BLOC1S3: variants seen among roughly 807,000 people sequenced by gnomAD.
The protein encoded by BLOC1S3 is biogenesis of lysosome-related organelles complex 1 subunit 3.
Under a neutral mutation model 9.1 loss-of-function variants are expected in BLOC1S3, and 7 were observed. The observed-to-expected ratio is 0.77, with a 90% CI of 0.44 to 1.45. The LOEUF (loss-of-function observed/expected upper bound fraction) is 1.45. BLOC1S3 is among the 40% of genes most tolerant of loss of function. BLOC1S3 has a pLI of 0.01. For missense variants in BLOC1S3, 307 were observed against 315.2 expected, an observed-to-expected ratio of 0.97 and a Z score of 0.20; for synonymous variants, 145 against 158.4, an observed-to-expected ratio of 0.92 and a Z score of 0.64.
At chr19:45,209,945 T>A (rs1339129317) in intron 3 of BLOC1S3, among the ~76,000 whole-genome samples, 3 of 151,856 alleles carry the variant, frequency 2.0e-5, no homozygotes, top group Admixed American at 2.0e-4. Flanking sequence ...TTAGCCAGGA[T>A]GGTCTCCATC....
At position 45,181,570 on chromosome 19, in the gene BLOC1S3, G is replaced by A. The variant is rs1045564383; in HGVS notation, c.*1665G>A. The A allele has an allele frequency of 2.4e-5, 4 of 167,110 alleles. No individual in the cohort carries two copies. The highest frequency in any genetic ancestry group is 4.4e-5 in the Non-Finnish European group (3 of 68,132). 10.4% of individuals were successfully genotyped at this position (167,110 alleles called of 1,614,324 possible). A position where few individuals can be genotyped will look rare whatever the true frequency, so the allele number is the denominator to read the frequency against. ...GCTCCTGGATGCTATAAAAGGACTT[G>A]GATTTCTGACTTGGCTCAGGGACTG... is the stretch of plus-strand genomic sequence containing the variant. On this transcript the variant is annotated 3_prime_UTR_variant, in exon 2 of 2. Transcript: ENST00000433642.
chr19:45,202,077 A>T (rs1183249011), intron 2 of BLOC1S3, among the ~76,000 whole-genome samples: 4 of 151,600 alleles, frequency 2.6e-5, no homozygotes, highest in Non-Finnish European at 5.9e-5. Context: ...ACAAAAAATT[A>T]GCTGGGCGCC....
At chr19:45,212,824 T>G (rs1336344636) in intron 3 of BLOC1S3, 2 of 441,232 alleles carry the variant, frequency 4.5e-6, no homozygotes, top group East Asian at 7.7e-5. Context: ...GGTCTTGAAC[T>G]CCTGGGCTCA....
At chr19:45,184,903 C>CAA (rs71338752), downstream of BLOC1S3, among the ~76,000 whole-genome samples, 910 of 48,264 alleles carry the variant, frequency 0.019, 99 homozygotes, top group African/African-American at 0.061. Flanking sequence ...CTGTCTCAAA[C>CAA]AAAAAAAAAA....
chr19:45,196,887 C>T (rs1311212845), intron 2 of BLOC1S3, among the ~76,000 whole-genome samples: 67 of 128,978 alleles, frequency 5.2e-4, no homozygotes, highest in African/African-American at 1.8e-3. Context: ...GGCAACAGAG[C>T]AAGACTGTCT....
At chr19:45,213,005 C>T (rs1352593053) in intron 3 of BLOC1S3, 9 of 1,412,492 alleles carry the variant, frequency 6.4e-6, no homozygotes, top group South Asian at 4.8e-5. Flanking sequence ...GGAGGGGCGC[C>T]GTACGGGAGG....
chr19:45,203,147 G>T (rs185023097), intron 3 of BLOC1S3, among the ~76,000 whole-genome samples: 287 of 152,202 alleles, frequency 1.9e-3, no homozygotes, highest in African/African-American at 6.6e-3. Flanking sequence ...TCCCTTGGCT[G>T]CCTCAGCCAA....
rs1969523022 is a variant in BLOC1S3, at chr19:45,181,640, C to T, written c.*1735C>T. 6.0e-6 allele frequency: 1 copy of T among 167,042 alleles called. No individual in the cohort carries two copies. Among genetic ancestry groups the T allele is most frequent in the African/African-American group, 2.4e-5 (1 of 41,412 alleles). The allele number at this position is 167,042 out of a possible 1,614,324, so 10.3% of individuals were successfully genotyped here. On this transcript the variant is annotated 3_prime_UTR_variant, in exon 2 of 2. Transcript: ENST00000433642. The stretch of plus-strand genomic sequence containing the variant: ...GCTCCTTTTCACCTGTGTTTTCTTC[C>T]GATCCCAGCTCTGGTCCCTCAGCCG...
rs150154809 is a variant in BLOC1S3 at position 45,198,441 on chromosome 19, G to A, written n.181-3965G>A. Among the ~76,000 whole-genome samples, 374 of 152,054 alleles carry A rather than the reference G, an allele frequency of 2.5e-3. 5 individuals are homozygous for A. Among genetic ancestry groups the A allele is most frequent in the Non-Finnish European group, 4.3e-3 (290 of 67,992 alleles). On this transcript the variant is annotated intron_variant and non_coding_transcript_variant, in intron 2 of 3. Transcript: ENST00000591569. ...CAAGTAGCTGGGATTACAGGCACCC[G>A]CCACCACGCTCAGCTAACTTTTTTG...
At position 45,179,711 on chromosome 19, in the gene BLOC1S3, G is replaced by T. The variant is rs749030472; in HGVS notation, c.415G>T (p.Val139Leu). ...TGTCTACCGCCGTGCAGGCCGCGAC[G>T]TGGCCGCCCTGGCTAGTAGGCTGGC... ...SGVYRRAGRD[V>L]AALASRLAAA... Residue 139 changes from valine (V) to leucine (L), a missense_variant, in exon 2 of 2, where the codon GTG becomes TTG. Transcript: ENST00000433642. The surrounding 1 kb of genome is among the most constrained non-coding windows in gnomAD (Gnocchi z 4.6). 1.5e-4 allele frequency: 222 copies of T among 1,458,098 alleles called. 1 individual carries two copies. In the African/African-American group the frequency reaches 3.0e-3, roughly 19 times the overall value. The allele number at this position is 1,458,098 out of a possible 1,614,324, so 90.3% of individuals were successfully genotyped here.
chr19:45,216,891 T>A (rs1471320200), exon 4 of BLOC1S3: 1 of 151,272 alleles, frequency 6.6e-6, no homozygotes, highest in Non-Finnish European at 1.5e-5. Context: ...AGCGACTGAA[T>A]GAGGCCCTTC....
At chr19:45,188,364 T>C (rs1054356473) in intron 2 of BLOC1S3, among the ~76,000 whole-genome samples, 1 of 151,778 alleles carries the variant, frequency 6.6e-6, no homozygotes, top group Non-Finnish European at 1.5e-5. Context: ...TTAATAGAGA[T>C]AGTCTCTGCC....
intron 3 of BLOC1S3, among the ~76,000 whole-genome samples, chr19:45,209,875 G>T (rs1430891624): frequency 6.6e-6 from 1 of 151,594 alleles, no homozygotes; most frequent in Non-Finnish European, 1.5e-5. Flanking sequence ...GTGATTATAG[G>T]CATGCGCCAC....
At chr19:45,209,290 C>A (rs186012726) in intron 3 of BLOC1S3, among the ~76,000 whole-genome samples, 50 of 152,200 alleles carry the variant, frequency 3.3e-4, no homozygotes, top group Admixed American at 7.2e-4. Flanking sequence ...CTCAAGTGAT[C>A]CGCCCACCTT....
chr19:45,203,676 C>G (rs1233364972), intron 3 of BLOC1S3, among the ~76,000 whole-genome samples: 1 of 152,160 alleles, frequency 6.6e-6, no homozygotes, highest in African/African-American at 2.4e-5. Flanking sequence ...GTCTAATGAT[C>G]ATTTAAATGC....
Position 45,180,050 on chromosome 19 carries a change from G to A in BLOC1S3, c.*145G>A. 1 of 884,606 alleles carries A rather than the reference G, an allele frequency of 1.1e-6. No individual in the cohort carries two copies. The highest frequency in any genetic ancestry group is 1.8e-5 in the South Asian group (1 of 56,166). 54.8% of individuals were successfully genotyped at this position (884,606 alleles called of 1,614,324 possible). A position where few individuals can be genotyped will look rare whatever the true frequency, so the allele number is the denominator to read the frequency against. On this transcript the variant is annotated 3_prime_UTR_variant, in exon 2 of 2. Coordinates refer to ENST00000433642, the MANE Select transcript of BLOC1S3 (RefSeq NM_212550.5). ...CCATGGGGGCTAATCCGGTCCCCTTGGATAATGCTTTATATTGGATATAGT... is the reference window on the plus strand; with the variant it reads ...CCATGGGGGCTAATCCGGTCCCCTTAGATAATGCTTTATATTGGATATAGT...
At chr19:45,192,411 C>G (rs1300902901) in intron 2 of BLOC1S3, among the ~76,000 whole-genome samples, 1 of 152,068 alleles carries the variant, frequency 6.6e-6, no homozygotes, top group African/African-American at 2.4e-5. Context: ...TGGTGCTCTA[C>G]TCCACTGTGG....
intron 2 of BLOC1S3, among the ~76,000 whole-genome samples, chr19:45,194,689 T>C (rs1969634113): frequency 6.6e-6 from 1 of 152,144 alleles, no homozygotes; most frequent in African/African-American, 2.4e-5. Context: ...ACAAGCATAA[T>C]GTTCCACCAA....
At position 45,179,113 on chromosome 19, in the gene BLOC1S3, T is replaced by C. The variant is rs993751501; in HGVS notation, c.-9-175T>C. ...CATCTGTACGCTGAAGAGCCTGGGG[T>C]CCAGTAACCCCCATCATCACCCAGT... On this transcript the variant is annotated intron_variant, in intron 1 of 1. Transcript: ENST00000433642. The surrounding 1 kb of genome is among the most constrained non-coding windows in gnomAD (Gnocchi z 4.6). 5.2e-5 allele frequency: 32 copies of C among 616,882 alleles called. No individual in the cohort carries two copies. Among genetic ancestry groups the C allele is most frequent in the Non-Finnish European group, 7.8e-5 (31 of 397,088 alleles). The allele number at this position is 616,882 out of a possible 1,614,324, so 38.2% of individuals were successfully genotyped here.
Sources: gnomAD v4.1 joint callset for allele counts (sites outside exome capture counted in the v4.1 genomes callset) on GRCh38, gnomAD v4.1.1 for gene constraint, Gnocchi (gnomAD v3.1) non-coding constraint, MANE v1.5 for transcripts, NCBI Gene and HGNC (gene_info 2026-07-23, HGNC 2026-07-21) for gene names.